The following PTPRM variants were observed in gnomAD, a reference collection of about 807,000 sequenced individuals.
PTPRM encodes protein tyrosine phosphatase receptor type M.
Under a neutral mutation model 186.7 loss-of-function variants are expected in PTPRM, and 47 were observed. The ratio of observed to expected loss-of-function variants is 0.25; its 90% CI spans 0.20 to 0.32. The LOEUF (loss-of-function observed/expected upper bound fraction) is 0.32. PTPRM is among the 10% of genes least tolerant of loss of function. The pLI is 1.00. For synonymous variants in PTPRM, 668 were observed against 674.9 expected (o/e 0.99, Z 0.16); for missense variants, 1,494 against 1,865.0 (o/e 0.80, Z 3.66).
At position 8,305,069 on chromosome 18, in the gene PTPRM, CT is replaced by C. The variant is rs143158009; in HGVS notation, c.2842+8615del. ...TGTAAATAGACTCTTATTAGACATGCTGCCTTGTAGCCTGCTCTTCTTCACT... is the reference window on the plus strand; with the variant it reads ...TGTAAATAGACTCTTATTAGACATGCGCCTTGTAGCCTGCTCTTCTTCACT... On this transcript the variant is annotated intron_variant, in intron 20 of 32. Coordinates refer to ENST00000580170, the MANE Select transcript of PTPRM (RefSeq NM_001105244.2). Among the ~76,000 whole-genome samples, 1,484 of 152,278 alleles carry C rather than the reference CT, an allele frequency of 9.7e-3. 22 individuals are homozygous for C. Among genetic ancestry groups the C allele is most frequent in the African/African-American group, 0.034 (1,405 of 41,540 alleles).
chr18:7,845,461 A>G lies in PTPRM; in HGVS notation c.197-42645A>G, dbSNP rs557731605. The stretch of plus-strand genomic sequence containing the variant: ...AACCATACTAGTAATAATTTATGTG[A>G]AAAGCATCTCACTCTTTCATGACCG... On this transcript the variant is annotated intron_variant, in intron 2 of 32. Coordinates refer to ENST00000580170, the MANE Select transcript of PTPRM (RefSeq NM_001105244.2). Among the ~76,000 whole-genome samples, 14 of 152,304 alleles carry G rather than the reference A, an allele frequency of 9.2e-5. No homozygotes were observed. The South Asian group carries it at 2.9e-3, about 32-fold the overall frequency.
intron 1 of PTPRM, among the ~76,000 whole-genome samples, chr18:7,617,449 A>C (rs1269191265): frequency 2.0e-5 from 3 of 152,154 alleles, no homozygotes; most frequent in Non-Finnish European, 4.4e-5. Context: ...TTAATCTGTA[A>C]GCTCTTTAAA....
chr18:7,895,867 A>C (rs1267737409), intron 3 of PTPRM, among the ~76,000 whole-genome samples: 1 of 152,148 alleles, frequency 6.6e-6, no homozygotes, highest in Admixed American at 6.5e-5. Context: ...TAATATTGAC[A>C]TTGTTAGACA....
chr18:8,138,812 C>T (rs555976233), intron 13 of PTPRM, among the ~76,000 whole-genome samples: 5 of 152,266 alleles, frequency 3.3e-5, no homozygotes, highest in South Asian at 2.1e-4. Context: ...CATTAGCATT[C>T]GCATTCAGAG....
At chr18:7,973,426 C>G (rs2054707626) in intron 7 of PTPRM, among the ~76,000 whole-genome samples, 1 of 152,104 alleles carries the variant, frequency 6.6e-6, no homozygotes, top group East Asian at 1.9e-4. Flanking sequence ...CTTAAAAAAT[C>G]AATTTATTGG....
intron 7 of PTPRM, among the ~76,000 whole-genome samples, chr18:7,979,508 A>G (rs1402654599): frequency 6.6e-6 from 1 of 152,228 alleles, no homozygotes; most frequent in African/African-American, 2.4e-5. Context: ...AACGTGTTAC[A>G]TGACATATTT....
At chr18:8,206,855 C>T (rs140791199) in intron 14 of PTPRM, among the ~76,000 whole-genome samples, 368 of 151,952 alleles carry the variant, frequency 2.4e-3, no homozygotes, top group African/African-American at 8.1e-3. Flanking sequence ...AAGGGGTTGG[C>T]GGGGTGGAAA....
At chr18:7,843,886 A>G (rs1161623260) in intron 2 of PTPRM, among the ~76,000 whole-genome samples, 1 of 152,100 alleles carries the variant, frequency 6.6e-6, no homozygotes, top group Non-Finnish European at 1.5e-5. Context: ...AGGCTTGTTC[A>G]CTCACAAGTC....
At chr18:7,720,640 C>T (rs1005048226) in intron 1 of PTPRM, among the ~76,000 whole-genome samples, 3 of 152,126 alleles carry the variant, frequency 2.0e-5, no homozygotes, top group Non-Finnish European at 4.4e-5. Context: ...CCAGCACCTC[C>T]CCATCCCCCA....
intron 2 of PTPRM, among the ~76,000 whole-genome samples, chr18:7,882,185 A>G (rs769958646): frequency 2.0e-5 from 3 of 152,194 alleles, no homozygotes; most frequent in Non-Finnish European, 4.4e-5. Context: ...AATTGGACAG[A>G]ATAATTTTAT....
chr18:7,840,059 TGGGGTGGGGTGG>T (rs2046244536), intron 2 of PTPRM, among the ~76,000 whole-genome samples: 1 of 26,564 alleles, frequency 3.8e-5, no homozygotes, highest in African/African-American at 1.6e-4. Context: ...TATGTGTGTA[TGGGGTGGGGTGG>T]GGGGTGGGGT....
At chr18:8,179,006 T>G (rs1323468275) in intron 14 of PTPRM, among the ~76,000 whole-genome samples, 1 of 152,112 alleles carries the variant, frequency 6.6e-6, no homozygotes, top group African/African-American at 2.4e-5. Flanking sequence ...TTACCACAGG[T>G]CAGGAACACT....
chr18:8,169,788 G>T (rs972655023), intron 14 of PTPRM, among the ~76,000 whole-genome samples: 1 of 151,930 alleles, frequency 6.6e-6, no homozygotes, highest in African/African-American at 2.4e-5. Context: ...TTTCCAAGAT[G>T]TTATTTTTTT....
At chr18:8,173,734 T>C (rs936112529) in intron 14 of PTPRM, among the ~76,000 whole-genome samples, 1 of 152,118 alleles carries the variant, frequency 6.6e-6, no homozygotes. Context: ...GTGTGGGGCA[T>C]GGGTTGCCAG....
chr18:8,377,574 A>G (rs2095704701), intron 26 of PTPRM: 1 of 152,212 alleles, frequency 6.6e-6, no homozygotes, highest in Admixed American at 6.5e-5. Flanking sequence ...TGTTGAAAAA[A>G]AATAATTAAA....
intron 2 of PTPRM, among the ~76,000 whole-genome samples, chr18:7,851,089 G>T (rs2046836816): frequency 6.6e-6 from 1 of 152,136 alleles, no homozygotes; most frequent in Non-Finnish European, 1.5e-5. Flanking sequence ...TAGTGAGTTG[G>T]TTTAAGAGAA....
chr18:8,343,778 C>T (rs953629765), intron 23 of PTPRM, among the ~76,000 whole-genome samples: 15 of 152,200 alleles, frequency 9.9e-5, no homozygotes, highest in Non-Finnish European at 2.9e-5. Flanking sequence ...ATATTGAGAG[C>T]ACAAAAATAC....
At chr18:7,932,841 A>G (rs1168160690) in intron 5 of PTPRM, among the ~76,000 whole-genome samples, 1 of 152,220 alleles carries the variant, frequency 6.6e-6, no homozygotes, top group East Asian at 1.9e-4. Flanking sequence ...AGGAAATCAG[A>G]TGATGTTACT....
At chr18:7,885,662 A>G (rs1342224542) in intron 2 of PTPRM, among the ~76,000 whole-genome samples, 1 of 152,130 alleles carries the variant, frequency 6.6e-6, no homozygotes, top group African/African-American at 2.4e-5. Context: ...TCAAACAGGG[A>G]AAAAAGGAGG....
Sources: gnomAD v4.1 joint callset for allele counts (sites outside exome capture counted in the v4.1 genomes callset) on GRCh38, gnomAD v4.1.1 for gene constraint, MANE v1.5 for transcripts, NCBI Gene and HGNC (gene_info 2026-07-23, HGNC 2026-07-21) for gene names.